The following WDR49 variants were observed in gnomAD, a reference collection of about 807,000 sequenced individuals.
WDR49 encodes WD repeat domain 49.
WDR49 carries 107 observed loss-of-function variants against 119.5 expected under a neutral mutation model. That is an observed-to-expected ratio of 0.90 (90% CI 0.77 to 1.05). WDR49 has a LOEUF of 1.05. Ranked by LOEUF, WDR49 falls within the 50% of genes least tolerant of loss-of-function variation. The pLI is 0.00. For missense variants in WDR49, 1,240 were observed against 1,220.5 expected (o/e 1.02, Z -0.24); for synonymous variants, 425 against 418.8 (o/e 1.01, Z -0.18).
chr3:167,556,572 G>A (rs1712938711), intron 9 of WDR49, among the ~76,000 whole-genome samples: 1 of 152,184 alleles, frequency 6.6e-6, no homozygotes, highest in African/African-American at 2.4e-5. Flanking sequence ...CATGCATAGA[G>A]GTCACATTGG....
intron 2 of WDR49, among the ~76,000 whole-genome samples, chr3:167,630,410 T>C (rs1043761503): frequency 6.6e-6 from 1 of 152,122 alleles, no homozygotes; most frequent in Admixed American, 6.6e-5. Flanking sequence ...TTATCTTTTA[T>C]TTGCTCTAGG....
intron 10 of WDR49, among the ~76,000 whole-genome samples, chr3:167,545,906 T>C (rs1035987949): frequency 4.2e-5 from 6 of 142,680 alleles, no homozygotes; most frequent in African/African-American, 1.3e-4. Context: ...AATATTAATA[T>C]ATTATTTTAA....
chr3:167,511,898 G>A (rs1480515652), intron 16 of WDR49, among the ~76,000 whole-genome samples: 1 of 152,132 alleles, frequency 6.6e-6, no homozygotes, highest in Non-Finnish European at 1.5e-5. Flanking sequence ...CTTTGGGTGG[G>A]GCCTCCCTGT....
intron 10 of WDR49, among the ~76,000 whole-genome samples, chr3:167,550,560 G>A (rs1712494884): frequency 6.6e-6 from 1 of 151,914 alleles, no homozygotes; most frequent in Admixed American, 6.6e-5. Context: ...ACAAAAGAAA[G>A]CAATAAATAT....
intron 7 of WDR49, among the ~76,000 whole-genome samples, chr3:167,585,464 C>CAA (rs1375787149): frequency 2.0e-5 from 3 of 149,494 alleles, no homozygotes; most frequent in Non-Finnish European, 4.5e-5. Context: ...AACTTAGAAA[C>CAA]AATATCTCCT....
At chr3:167,604,766 C>T (rs1329365661) in intron 5 of WDR49, among the ~76,000 whole-genome samples, 1 of 151,946 alleles carries the variant, frequency 6.6e-6, no homozygotes, top group Non-Finnish European at 1.5e-5. Flanking sequence ...TATGAATGCC[C>T]TTATAAAGGA....
chr3:167,566,759 C>A, intron 8 of WDR49: 1 of 555,960 alleles, frequency 1.8e-6, no homozygotes, highest in Non-Finnish European at 3.2e-6. Flanking sequence ...ATACTGTATT[C>A]TTACAACAAA....
intron 16 of WDR49, among the ~76,000 whole-genome samples, chr3:167,509,474 T>C (rs1751885413): frequency 6.6e-6 from 1 of 152,202 alleles, no homozygotes; most frequent in South Asian, 2.1e-4. Flanking sequence ...ACCTGAAAAA[T>C]GTTTACTTTC....
chr3:167,522,818 T>A (rs1186464879), intron 15 of WDR49, among the ~76,000 whole-genome samples: 1 of 152,192 alleles, frequency 6.6e-6, no homozygotes, highest in Non-Finnish European at 1.5e-5. Flanking sequence ...AAAACAAAGC[T>A]TTTGTTAAAG....
intron 8 of WDR49, among the ~76,000 whole-genome samples, chr3:167,563,682 G>A (rs891773875): frequency 7.2e-5 from 11 of 152,074 alleles, no homozygotes; most frequent in South Asian, 2.1e-4. Flanking sequence ...ACACATACAC[G>A]ATGTATAATG....
intron 10 of WDR49, among the ~76,000 whole-genome samples, chr3:167,553,581 G>A (rs1011100206): frequency 2.4e-4 from 36 of 152,010 alleles, no homozygotes; most frequent in Non-Finnish European, 8.8e-5. Context: ...ACTTAAATTG[G>A]ATCAGCTGGA....
At chr3:167,620,374 T>C (rs1385201127) in intron 5 of WDR49, 55 bp downstream of exon 5, 2 of 1,440,918 alleles carry the variant, frequency 1.4e-6, no homozygotes, top group East Asian at 2.6e-5. Flanking sequence ...TCAAAGAATA[T>C]AAATGTACAA....
intron 2 of WDR49, among the ~76,000 whole-genome samples, chr3:167,629,751 C>A (rs530303367): frequency 3.9e-5 from 6 of 152,006 alleles, no homozygotes; most frequent in Non-Finnish European, 8.8e-5. Context: ...GATTCCAACC[C>A]TCATGGAAGA....
chr3:167,607,512 G>A (rs1716119679), intron 5 of WDR49, among the ~76,000 whole-genome samples: 2 of 152,142 alleles, frequency 1.3e-5, no homozygotes. Flanking sequence ...AATCTTTAGT[G>A]GGTAAATTAT....
chr3:167,616,715 A>C (rs774802403), intron 5 of WDR49, among the ~76,000 whole-genome samples: 2 of 152,202 alleles, frequency 1.3e-5, no homozygotes, highest in Non-Finnish European at 2.9e-5. Flanking sequence ...ACAGATCCAC[A>C]AATCCAAGAA....
intron 16 of WDR49, among the ~76,000 whole-genome samples, chr3:167,507,137 T>A (rs1751800451): frequency 6.6e-6 from 1 of 152,180 alleles, no homozygotes; most frequent in Non-Finnish European, 1.5e-5. Context: ...GAAGCAAGTT[T>A]TCAAGCACAA....
chr3:167,541,823 G>A (rs1007919994), intron 10 of WDR49, among the ~76,000 whole-genome samples: 13 of 151,858 alleles, frequency 8.6e-5, no homozygotes, highest in African/African-American at 3.1e-4. Context: ...TAACATATAA[G>A]GACTCATAAA....
chr3:167,525,135 T>A (rs191311868), intron 15 of WDR49, among the ~76,000 whole-genome samples: 1 of 152,274 alleles, frequency 6.6e-6, no homozygotes, highest in East Asian at 1.9e-4. Flanking sequence ...CCTTGTAAGT[T>A]GTATTCCTAG....
intron 5 of WDR49, among the ~76,000 whole-genome samples, chr3:167,606,898 A>G (rs981931542): frequency 2.0e-5 from 3 of 152,138 alleles, no homozygotes; most frequent in Non-Finnish European, 4.4e-5. Flanking sequence ...ATAGATTTAC[A>G]TGACACAGGA....
Sources: gnomAD v4.1 joint callset for allele counts (sites outside exome capture counted in the v4.1 genomes callset) on GRCh38, gnomAD v4.1.1 for gene constraint, MANE v1.5 for transcripts, NCBI Gene and HGNC (gene_info 2026-07-23, HGNC 2026-07-21) for gene names.